PATJ: variants seen among roughly 807,000 people sequenced by gnomAD.
PATJ encodes inaD-like protein.
PATJ carries 190 observed loss-of-function variants against 224.9 expected under a neutral mutation model. That is an observed-to-expected ratio of 0.84 (90% CI 0.75 to 0.95). PATJ has a LOEUF of 0.95. Among genes scored for constraint, PATJ ranks in the 40% least tolerant of loss-of-function variants. The pLI, the probability that PATJ is intolerant of heterozygous loss-of-function variation, is 0.00. For synonymous variants in PATJ, 769 were observed against 820.3 expected (o/e 0.94, Z 1.07); for missense variants, 2,121 against 2,270.3 (o/e 0.93, Z 1.34).
At chr1:62,124,446 C>G (rs894399570) in intron 39 of PATJ, among the ~76,000 whole-genome samples, 3 of 152,156 alleles carry the variant, frequency 2.0e-5, no homozygotes, top group South Asian at 2.1e-4. Flanking sequence ...AATAATGACC[C>G]TGTTGTAATC....
At chr1:62,107,078 G>A (rs1164107428) in intron 33 of PATJ, among the ~76,000 whole-genome samples, 5 of 151,838 alleles carry the variant, frequency 3.3e-5, no homozygotes, top group East Asian at 1.9e-4. Flanking sequence ...GAGGTGAGGC[G>A]GGCGGATCAC....
At chr1:61,759,154 C>A (rs1322934964) in intron 1 of PATJ, among the ~76,000 whole-genome samples, 1 of 152,206 alleles carries the variant, frequency 6.6e-6, no homozygotes, top group African/African-American at 2.4e-5. Context: ...GCTTTGAATG[C>A]AGCCTGACAC....
intron 31 of PATJ, among the ~76,000 whole-genome samples, chr1:62,056,030 A>G (rs999293179): frequency 6.6e-6 from 1 of 152,162 alleles, no homozygotes; most frequent in African/African-American, 2.4e-5. Context: ...AGCTTCAGAA[A>G]AGAGCGAATT....
rs780470162 is a variant in PATJ, at chr1:61,908,407, C to T, written c.3417C>T (p.Ser1139=). ...TAGATTTGCAGAATGCCTCACACAG[C>T]GAAGCAGTTGAGGCCATTAAGAATG... ...SGVDLQNASH[S]EAVEAIKNAG... Residue 1139 remains serine (S), a synonymous_variant, in exon 25 of 44, where the codon AGC becomes AGT. Coordinates refer to ENST00000642238, the MANE Select transcript of PATJ (RefSeq NM_001350145.3). 5.0e-6 allele frequency: 8 copies of T among 1,613,598 alleles called. No individual in the cohort carries two copies. The highest frequency in any genetic ancestry group is 2.7e-5 in the African/African-American group (2 of 74,908).
chr1:62,083,283 AG>A (rs1412954509), intron 32 of PATJ, among the ~76,000 whole-genome samples: 3 of 152,090 alleles, frequency 2.0e-5, no homozygotes, highest in Non-Finnish European at 4.4e-5. Context: ...AACCACGCCC[AG>A]CTATTTTTTA....
At chr1:61,800,017 C>T (rs965774250) in intron 11 of PATJ, among the ~76,000 whole-genome samples, 14 of 152,182 alleles carry the variant, frequency 9.2e-5, no homozygotes, top group Non-Finnish European at 1.9e-4. Context: ...AGATTGCTTT[C>T]ATGGCTTTGC....
At chr1:61,783,654 A>C (rs1647851885) in intron 7 of PATJ, among the ~76,000 whole-genome samples, 1 of 150,656 alleles carries the variant, frequency 6.6e-6, no homozygotes, top group Admixed American at 6.6e-5. Flanking sequence ...TATAGGTTTA[A>C]AATTTTTTTT....
rs1276085678 is a variant in PATJ, at chr1:61,763,108, G to A, written c.118G>A (p.Glu40Lys). 5 of 1,610,800 alleles carry A rather than the reference G, an allele frequency of 3.1e-6. No homozygotes were observed. The East Asian group carries it at 8.9e-5, about 29-fold the overall frequency. The change falls in exon 3 of 44, where the codon GAG becomes AAG. Residue 40 changes from glutamate to lysine, a missense_variant. Transcript: ENST00000642238. ...GAATGAGAAGTTATCTATGTTTTAT[G>A]AGACACTAAAGAGTCCTCTCTTCAA... is the stretch of plus-strand genomic sequence containing the variant. Reference protein sequence around the residue: ...SQNEKLSMFYETLKSPLFNQI... With the variant: ...SQNEKLSMFYKTLKSPLFNQI...
At chr1:61,936,329 A>C (rs1201292109) in intron 27 of PATJ, among the ~76,000 whole-genome samples, 2 of 150,824 alleles carry the variant, frequency 1.3e-5, no homozygotes, top group Non-Finnish European at 2.9e-5. Context: ...CTTGCAAAAA[A>C]TATTCTATAT....
chr1:61,787,831 T>C lies in PATJ; in HGVS notation c.927T>C (p.Val309=). Residue 309 remains valine, a synonymous_variant, in exon 8 of 44, where the codon GTT becomes GTC. Transcript: ENST00000642238. The part of the protein sequence containing the change: ...TNVQGMTSEQ[V]AQVLRNCGNS... ...TGCAGGGAATGACCAGTGAGCAAGT[T>C]GCACAAGTTCTAAGGAACTGTGGGA... 1 of 1,614,166 alleles carries C rather than the reference T, an allele frequency of 6.2e-7. No homozygotes were observed. The highest frequency in any genetic ancestry group is 8.5e-7 in the Non-Finnish European group (1 of 1,180,018).
chr1:61,779,528 G>A (rs146446285), intron 7 of PATJ, among the ~76,000 whole-genome samples: 3 of 152,248 alleles, frequency 2.0e-5, no homozygotes, highest in African/African-American at 7.2e-5. Flanking sequence ...TACCTTTGCA[G>A]CAACATCTAG....
At chr1:61,811,648 G>A (rs1174089682) in intron 14 of PATJ, among the ~76,000 whole-genome samples, 1 of 148,952 alleles carries the variant, frequency 6.7e-6, no homozygotes, top group East Asian at 2.0e-4. Context: ...AATTTCCTGT[G>A]CCTAATCAGC....
intron 31 of PATJ, among the ~76,000 whole-genome samples, chr1:62,072,295 G>GT (rs372973495): frequency 2.4e-4 from 36 of 151,406 alleles, no homozygotes; most frequent in African/African-American, 8.5e-4. Flanking sequence ...GGTTTTTTTT[G>GT]TTTTTGTTTT....
chr1:62,116,898 C>T (rs1664498335), intron 36 of PATJ, among the ~76,000 whole-genome samples: 1 of 152,182 alleles, frequency 6.6e-6, no homozygotes, highest in South Asian at 2.1e-4. Context: ...TGGGATTTCA[C>T]AAGCAAGTTT....
intron 29 of PATJ, among the ~76,000 whole-genome samples, chr1:62,034,618 T>C (rs978576185): frequency 4.6e-5 from 7 of 152,260 alleles, no homozygotes; most frequent in Middle Eastern, 3.4e-3. Context: ...CTCTTTAAAA[T>C]AGCAGCTATG....
At chr1:61,879,380 A>G (rs995777513) in intron 21 of PATJ, among the ~76,000 whole-genome samples, 2 of 152,176 alleles carry the variant, frequency 1.3e-5, no homozygotes, top group African/African-American at 4.8e-5. Flanking sequence ...TGACAGAACT[A>G]AGATCCAAAG....
chr1:62,013,516 T>C (rs1387629965), intron 28 of PATJ: 1 of 984,492 alleles, frequency 1.0e-6, no homozygotes, highest in Non-Finnish European at 1.2e-6. Flanking sequence ...CCTAAGGAGC[T>C]CCACTCAGTT....
intron 29 of PATJ, among the ~76,000 whole-genome samples, chr1:62,019,505 C>T (rs1168246946): frequency 2.0e-5 from 3 of 151,308 alleles, no homozygotes; most frequent in Non-Finnish European, 1.5e-5. Flanking sequence ...GTTGACAAAG[C>T]GAGTCTCTGT....
intron 41 of PATJ, among the ~76,000 whole-genome samples, chr1:62,143,065 G>A (rs1379952519): frequency 6.6e-6 from 1 of 152,112 alleles, no homozygotes; most frequent in Non-Finnish European, 1.5e-5. Flanking sequence ...GTCACCTGTA[G>A]ATGGAAAGTA....
Sources: allele counts gnomAD v4.1 joint callset (sites outside exome capture counted in the v4.1 genomes callset), GRCh38; gene constraint gnomAD v4.1.1; transcripts MANE v1.5; gene names NCBI Gene and HGNC (gene_info 2026-07-23, HGNC 2026-07-21).